MAST4: variants seen among roughly 807,000 people sequenced by gnomAD.
The protein encoded by MAST4 is microtubule-associated serine/threonine-protein kinase 4.
A neutral mutation model predicts 162.7 loss-of-function variants in MAST4; 89 were observed. That is an observed-to-expected ratio of 0.55 (90% CI 0.46 to 0.65). MAST4 has a LOEUF of 0.65. MAST4 is among the 30% of genes least tolerant of loss of function. The probability of loss-of-function intolerance (pLI) is 0.00; values close to 1 mark genes in which losing one functional copy is unlikely to be tolerated. For synonymous variants in MAST4, 1,479 were observed against 1,361.1 expected, an observed-to-expected ratio of 1.09 and a Z score of -1.91; for missense variants, 3,153 against 3,374.0, an observed-to-expected ratio of 0.93 and a Z score of 1.62.
In MAST4 at chr5:67,102,554, C is replaced by T; in HGVS notation, c.1089C>T (p.Ala363=). Residue 363 remains alanine (A), a synonymous_variant, in exon 9 of 29, where the codon GCC becomes GCT. Coordinates refer to ENST00000403625, the MANE Select transcript of MAST4 (RefSeq NM_001164664.2). ...CTTGCAGCCCTGGACGTTCTCCCGCCTGCTGTGACCATGAAATAATTATGA... is the reference window on the plus strand; with the variant it reads ...CTTGCAGCCCTGGACGTTCTCCCGCTTGCTGTGACCATGAAATAATTATGA... The part of the protein sequence containing the change: ...SRSLSPGRSP[A]CCDHEIIMMN... 1 of 1,613,968 alleles carries T rather than the reference C, an allele frequency of 6.2e-7. No homozygotes were observed. Among genetic ancestry groups the T allele is most frequent in the Non-Finnish European group, 8.5e-7 (1 of 1,179,866 alleles).
At chr5:67,151,981 T>G (rs1289686509) in intron 24 of MAST4, among the ~76,000 whole-genome samples, 1 of 152,128 alleles carries the variant, frequency 6.6e-6, no homozygotes, top group African/African-American at 2.4e-5. Flanking sequence ...ATTACCTGGC[T>G]TGTCTTGAAC....
Position 67,136,618 on chromosome 5 carries a change from G to T in MAST4, c.2448G>T (p.Leu816=). The T allele has an allele frequency of 6.2e-7, 1 of 1,606,942 alleles. No homozygotes were observed. The highest frequency in any genetic ancestry group is 1.1e-5 in the South Asian group (1 of 88,978). ...DEAPPPDAQD[L]ITLLLRQNPL... is the part of the protein sequence containing the mutation. Reference sequence around the variant, plus strand: ...CACCCCCACCTGATGCCCAGGATCTGATTACCTTACTCCTCAGGCAGAATC... The same window carrying T: ...CACCCCCACCTGATGCCCAGGATCTTATTACCTTACTCCTCAGGCAGAATC... The change falls in exon 19 of 29, where the codon CTG becomes CTT. Residue 816 remains leucine (L), a synonymous_variant. Transcript: ENST00000403625.
chr5:67,101,538 G>T (rs1018969172), intron 8 of MAST4, among the ~76,000 whole-genome samples: 2 of 152,196 alleles, frequency 1.3e-5, no homozygotes, highest in Non-Finnish European at 2.9e-5. Flanking sequence ...ATCCGCTGCA[G>T]TATGAGATCT....
In MAST4 at chr5:67,144,767, A is replaced by G. The variant is rs1338691307; in HGVS notation, c.2829A>G (p.Thr943=). Residue 943 remains threonine, a synonymous_variant, in exon 22 of 29, where the codon ACA becomes ACG. Coordinates refer to ENST00000403625, the MANE Select transcript of MAST4 (RefSeq NM_001164664.2). ...TKSTTLPSTE[T]LSWSSEYSEM... ...GCACCACCTTGCCATCCACAGAAAC[A>G]CTGAGCTGGAGTTCAGAATATTCTG... is the stretch of plus-strand genomic sequence containing the variant. The G allele has an allele frequency of 1.9e-6, 3 of 1,612,606 alleles. No homozygotes were observed. Among genetic ancestry groups the G allele is most frequent in the Admixed American group, 1.7e-5 (1 of 59,764 alleles).
intron 3 of MAST4, among the ~76,000 whole-genome samples, chr5:66,868,879 T>C (rs907795852): frequency 6.6e-6 from 1 of 152,156 alleles, no homozygotes; most frequent in Non-Finnish European, 1.5e-5. Context: ...AAGATTCAGA[T>C]CCTGGGTTTA....
intron 5 of MAST4, among the ~76,000 whole-genome samples, chr5:67,082,168 G>A (rs189409356): frequency 2.8e-5 from 1 of 36,168 alleles, no homozygotes; most frequent in East Asian, 6.1e-4. Flanking sequence ...TTTTTTTTTT[G>A]AGACGGAGTC....
chr5:66,796,928 A>C (rs1755680360), intron 3 of MAST4, among the ~76,000 whole-genome samples: 1 of 152,092 alleles, frequency 6.6e-6, no homozygotes, highest in African/African-American at 2.4e-5. Context: ...CACTGAGGAG[A>C]TCTTAATTCT....
chr5:66,965,225 C>CTTTTTTTTTTTT (rs1187971815), intron 4 of MAST4, among the ~76,000 whole-genome samples: 8 of 84,902 alleles, frequency 9.4e-5, no homozygotes, highest in Non-Finnish European at 1.2e-4. Flanking sequence ...TTTTTTTTTG[C>CTTTTTTTTTTTT]TTTTTTTTTT....
chr5:66,676,813 A>G (rs930899205), intron 1 of MAST4, among the ~76,000 whole-genome samples: 1 of 152,220 alleles, frequency 6.6e-6, no homozygotes, highest in Non-Finnish European at 1.5e-5. Context: ...AGGAAATTCT[A>G]AAGGTAATTG....
At chr5:66,950,388 C>A (rs970508781) in intron 4 of MAST4, among the ~76,000 whole-genome samples, 2 of 152,036 alleles carry the variant, frequency 1.3e-5, no homozygotes, top group Admixed American at 1.3e-4. Context: ...TCATCTTTCC[C>A]AACTGAAACT....
chr5:66,852,672 C>T (rs923750109), intron 3 of MAST4, among the ~76,000 whole-genome samples: 2 of 152,086 alleles, frequency 1.3e-5, no homozygotes, highest in Admixed American at 6.6e-5. Flanking sequence ...CTACATTTTT[C>T]CCCCAAATTA....
At chr5:66,926,419 C>T (rs1764894679) in intron 4 of MAST4, among the ~76,000 whole-genome samples, 1 of 151,978 alleles carries the variant, frequency 6.6e-6, no homozygotes, top group South Asian at 2.1e-4. Context: ...TGGTGGTGTG[C>T]ACCTGTAGTC....
rs542846055 is a variant in MAST4, at chr5:66,693,532, A to G, written c.364-66177A>G. ...ATGCATTTGCCACAATTCGCTAACA[A>G]GATGAGCAAGATGTGATTTTAGGAA... On this transcript the variant is annotated intron_variant, in intron 1 of 28. Transcript: ENST00000403625. Among the ~76,000 whole-genome samples, 15 of 152,344 alleles carry G rather than the reference A, an allele frequency of 9.8e-5. No homozygotes were observed. In the South Asian group the frequency reaches 3.1e-3, roughly 32 times the overall value.
At chr5:67,089,823 G>C (rs1763635514) in intron 5 of MAST4, among the ~76,000 whole-genome samples, 1 of 152,144 alleles carries the variant, frequency 6.6e-6, no homozygotes, top group Non-Finnish European at 1.5e-5. Flanking sequence ...TTCGCATCTG[G>C]AGGGTCACAA....
At chr5:66,867,355 A>G (rs1434937786) in intron 3 of MAST4, among the ~76,000 whole-genome samples, 1 of 152,346 alleles carries the variant, frequency 6.6e-6, no homozygotes, top group East Asian at 1.9e-4. Context: ...ATTGTTTTCC[A>G]TAGAGCATTC....
At chr5:66,758,612 A>G (rs1376528457) in intron 1 of MAST4, among the ~76,000 whole-genome samples, 1 of 152,120 alleles carries the variant, frequency 6.6e-6, no homozygotes, top group Non-Finnish European at 1.5e-5. Context: ...GATGCAGTGC[A>G]TGGACAGACA....
At position 67,110,077 on chromosome 5, in the gene MAST4, CTCTT is replaced by C. The variant is rs770490022; in HGVS notation, c.1357-19_1357-16del. ...AATGGAACAACTCTGCATCATCACT[CTCTT>C]TATTGCTTTTTCATAGGCTCATGAT... On this transcript the variant is annotated splice_polypyrimidine_tract_variant and intron_variant, in intron 10 of 28. Transcript: ENST00000403625. 11 of 1,562,678 alleles carry C rather than the reference CTCTT, an allele frequency of 7.0e-6. No homozygotes were observed. The South Asian group carries it at 8.9e-5, about 13-fold the overall frequency.
chr5:66,742,768 G>A (rs1752545408), intron 1 of MAST4, among the ~76,000 whole-genome samples: 1 of 152,152 alleles, frequency 6.6e-6, no homozygotes, highest in African/African-American at 2.4e-5. Flanking sequence ...CTTCTGGCAA[G>A]CGGAGGTGTC....
chr5:67,153,603 G>T, intron 26 of MAST4, 23 bp downstream of exon 26: 1 of 1,549,268 alleles, frequency 6.5e-7, no homozygotes. Context: ...TTATGTCAGG[G>T]CCATGCTGAT....
Sources: gnomAD v4.1 joint callset for allele counts (sites outside exome capture counted in the v4.1 genomes callset) on GRCh38, gnomAD v4.1.1 for gene constraint, MANE v1.5 for transcripts, NCBI Gene and HGNC (gene_info 2026-07-23, HGNC 2026-07-21) for gene names.